Variants in EIF4G3 observed in about 807,000 individuals in gnomAD.
The protein encoded by EIF4G3 is eukaryotic translation initiation factor 4 gamma 3.
Under a neutral mutation model 186.4 loss-of-function variants are expected in EIF4G3, and 34 were observed. The ratio of observed to expected loss-of-function variants is 0.18; its 90% CI spans 0.14 to 0.24. The LOEUF (loss-of-function observed/expected upper bound fraction) is 0.24. Ranked by LOEUF, EIF4G3 falls within the 10% of genes least tolerant of loss-of-function variation. The probability of loss-of-function intolerance (pLI) is 1.00; values close to 1 mark genes in which losing one functional copy is unlikely to be tolerated. For missense variants in EIF4G3, 1,536 were observed against 1,948.5 expected, an observed-to-expected ratio of 0.79 and a Z score of 3.99; for synonymous variants, 673 against 679.5, an observed-to-expected ratio of 0.99 and a Z score of 0.15.
chr1:21,071,400 GGT>G (rs2095435749), intron 3 of EIF4G3, among the ~76,000 whole-genome samples: 1 of 151,984 alleles, frequency 6.6e-6, no homozygotes, highest in Non-Finnish European at 1.5e-5. Context: ...TGGACAACAG[GGT>G]GAGAACCTGT....
intron 16 of EIF4G3, among the ~76,000 whole-genome samples, chr1:20,899,028 C>A (rs2089447044): frequency 6.6e-6 from 1 of 152,188 alleles, no homozygotes; most frequent in African/African-American, 2.4e-5. Context: ...CCGCACCCAG[C>A]CCAAACTTTC....
chr1:21,011,208 T>TAA (rs1557495117), intron 4 of EIF4G3, among the ~76,000 whole-genome samples: 1 of 133,830 alleles, frequency 7.5e-6, no homozygotes, highest in South Asian at 2.2e-4. Context: ...AAACTTTTTT[T>TAA]TAAAAAAAAA....
intron 2 of EIF4G3, chr1:21,167,863 T>C (rs778358893): frequency 3.2e-5 from 9 of 284,490 alleles, no homozygotes; most frequent in Non-Finnish European, 5.9e-5. Flanking sequence ...ATGTAAATAA[T>C]TGTATGGGAA....
chr1:21,141,458 T>C lies in EIF4G3; in HGVS notation c.-272+34717A>G, dbSNP rs538406778. On this transcript the variant is annotated intron_variant, in intron 2 of 36. Transcript: ENST00000602326. ...AAAGATTTTTATTTCAAAAGAACTT[T>C]TGTATTTTTTTCCTACCAAGAGAAA... is the stretch of plus-strand genomic sequence containing the variant. Among the ~76,000 whole-genome samples the C allele has an allele frequency of 2.6e-5, 4 of 151,176 alleles. No individual in the cohort carries two copies. In the East Asian group the frequency reaches 7.7e-4, roughly 29 times the overall value.
chr1:20,964,931 C>T (rs372025478), intron 12 of EIF4G3, among the ~76,000 whole-genome samples: 2 of 152,318 alleles, frequency 1.3e-5, no homozygotes, highest in East Asian at 3.9e-4. Flanking sequence ...AATAAAGGGA[C>T]AGTCCCACGA....
chr1:20,960,251 G>A (rs2096541367), intron 12 of EIF4G3, among the ~76,000 whole-genome samples: 1 of 152,100 alleles, frequency 6.6e-6, no homozygotes, highest in Non-Finnish European at 1.5e-5. Context: ...CAGATCAACT[G>A]AGGTCAGGAG....
chr1:20,944,237 G>A (rs2095847741), intron 13 of EIF4G3, among the ~76,000 whole-genome samples: 1 of 151,998 alleles, frequency 6.6e-6, no homozygotes, highest in African/African-American at 2.4e-5. Flanking sequence ...AAATAGGGCA[G>A]GGTGTGATGG....
At chr1:21,083,572 C>T (rs912101588) in intron 3 of EIF4G3, among the ~76,000 whole-genome samples, 1 of 151,946 alleles carries the variant, frequency 6.6e-6, no homozygotes, top group African/African-American at 2.4e-5. Context: ...GATCCACCCA[C>T]CTCAGCCTCC....
intron 2 of EIF4G3, among the ~76,000 whole-genome samples, chr1:21,136,972 T>A (rs2097257158): frequency 6.6e-6 from 1 of 152,146 alleles, no homozygotes; most frequent in South Asian, 2.1e-4. Context: ...AAATACAGTA[T>A]CTCACTAATA....
At chr1:20,863,766 AAAGAG>A (rs879937611) in intron 22 of EIF4G3, among the ~76,000 whole-genome samples, 63 of 106,720 alleles carry the variant, frequency 5.9e-4, no homozygotes, top group East Asian at 2.0e-3. Flanking sequence ...TAAAAAAAAA[AAAGAG>A]AGAGAGAGAG....
chr1:20,873,555 T>A (rs1447351680), intron 20 of EIF4G3, among the ~76,000 whole-genome samples: 1 of 152,140 alleles, frequency 6.6e-6, no homozygotes, highest in Non-Finnish European at 1.5e-5. Context: ...TCTTCAACAT[T>A]ATTGCCCAAT....
intron 20 of EIF4G3, among the ~76,000 whole-genome samples, chr1:20,868,085 A>ATTTTTTTTTTTTTTTTTT (rs1553236764): frequency 1.4e-4 from 2 of 14,666 alleles, no homozygotes; most frequent in Non-Finnish European, 3.9e-4. Context: ...ATTCATGGTG[A>ATTTTTTTTTTTTTTTTTT]TTTTCTTTTT....
chr1:20,813,143 A>G lies in EIF4G3; in HGVS notation c.4597+15T>C. ...ATTTCAGATGTTATGAGCTGCCTTC[A>G]GAAATGTTACTTACCTATAATAGCT... is the stretch of plus-strand genomic sequence containing the variant. On this transcript the variant is annotated intron_variant, in intron 35 of 36. Coordinates refer to ENST00000602326, the MANE Select transcript of EIF4G3 (RefSeq NM_001391906.1). 1 of 1,568,606 alleles carries G rather than the reference A, an allele frequency of 6.4e-7. No homozygotes were observed. Among genetic ancestry groups the G allele is most frequent in the Non-Finnish European group, 8.8e-7 (1 of 1,139,176 alleles).
At chr1:20,951,421 A>G (rs1332817155) in intron 12 of EIF4G3, among the ~76,000 whole-genome samples, 1 of 152,160 alleles carries the variant, frequency 6.6e-6, no homozygotes, top group Non-Finnish European at 1.5e-5. Context: ...TTATATTTCT[A>G]TATAAAAAAA....
At chr1:21,142,741 C>T (rs953700552) in intron 2 of EIF4G3, among the ~76,000 whole-genome samples, 1 of 151,952 alleles carries the variant, frequency 6.6e-6, no homozygotes, top group African/African-American at 2.4e-5. Flanking sequence ...AATTTATCCC[C>T]AAAAATATCC....
chr1:20,879,281 C>G, intron 20 of EIF4G3, 42 bp downstream of exon 20: 1 of 1,495,180 alleles, frequency 6.7e-7, no homozygotes, highest in Non-Finnish European at 9.0e-7. Context: ...GGAGAATATA[C>G]CTCTTGAAGA....
intron 2 of EIF4G3, among the ~76,000 whole-genome samples, chr1:21,167,029 A>T (rs1249627245): frequency 2.0e-5 from 3 of 152,016 alleles, no homozygotes; most frequent in Non-Finnish European, 4.4e-5. Flanking sequence ...CAATCCACCC[A>T]CCTTGGGCTC....
At chr1:20,973,569 T>A (rs1179597151) in intron 10 of EIF4G3, among the ~76,000 whole-genome samples, 1 of 152,190 alleles carries the variant, frequency 6.6e-6, no homozygotes, top group African/African-American at 2.4e-5. Context: ...GGGGAACTAC[T>A]GCCATAGGGA....
At chr1:20,892,631 G>A (rs1355075609) in intron 18 of EIF4G3, 15 of 1,534,378 alleles carry the variant, frequency 9.8e-6, no homozygotes, top group Admixed American at 3.9e-5. Context: ...CTAGAGGCAG[G>A]CTCTTCATGG....
Sources: allele counts gnomAD v4.1 joint callset (sites outside exome capture counted in the v4.1 genomes callset), GRCh38; gene constraint gnomAD v4.1.1; transcripts MANE v1.5; gene names NCBI Gene and HGNC (gene_info 2026-07-23, HGNC 2026-07-21).